The following DNAJC13 variants were observed in gnomAD, a reference collection of about 807,000 sequenced individuals.
The protein encoded by DNAJC13 is DnaJ heat shock protein family (Hsp40) member C13.
In DNAJC13, 75 loss-of-function variants were observed where a neutral mutation model predicts 290.5. The ratio of observed to expected loss-of-function variants is 0.26; its 90% confidence interval spans 0.21 to 0.31. The LOEUF (loss-of-function observed/expected upper bound fraction) is 0.31, where lower values mean the gene tolerates loss of function less well. Among genes scored for constraint, DNAJC13 ranks in the 10% least tolerant of loss-of-function variants. The pLI, the probability that DNAJC13 is intolerant of heterozygous loss-of-function variation, is 1.00. For synonymous variants in DNAJC13, 862 were observed against 892.0 expected, an observed-to-expected ratio of 0.97 and a Z score of 0.60; for missense variants, 2,260 against 2,674.5, an observed-to-expected ratio of 0.85 and a Z score of 3.42.
rs2107737660 is a variant in DNAJC13, at chr3:132,516,804, G to A, written c.5661G>A (p.Leu1887=). The change falls in exon 48 of 56, where the codon CTG becomes CTA. Residue 1887 remains leucine, a synonymous_variant. Coordinates refer to ENST00000260818, the MANE Select transcript of DNAJC13 (RefSeq NM_015268.4). ...TTGCCAAAATGACAGCAGATAAACT[G>A]ATAGGTCCAAAGGTAGGCACAAAAT... ...ELFAKMTADK[L]IGPKVRITLM... The A allele has an allele frequency of 6.2e-7, 1 of 1,612,834 alleles. No individual in the cohort carries two copies. The highest frequency in any genetic ancestry group is 1.1e-5 in the South Asian group (1 of 90,984).
chr3:132,516,598 G>A, intron 47 of DNAJC13, 102 bp downstream of exon 47: 1 of 1,527,680 alleles, frequency 6.5e-7, no homozygotes, highest in Non-Finnish European at 8.9e-7. Context: ...GCTTTGGAAT[G>A]TTTACAGTTT....
At chr3:132,432,312 C>T (rs1458307617) in intron 1 of DNAJC13, among the ~76,000 whole-genome samples, 2 of 152,050 alleles carry the variant, frequency 1.3e-5, no homozygotes, top group Non-Finnish European at 2.9e-5. Flanking sequence ...AAGAGATTCC[C>T]CTGCCTCAGC....
chr3:132,431,528 A>G (rs1458040281), intron 1 of DNAJC13, among the ~76,000 whole-genome samples: 1 of 152,170 alleles, frequency 6.6e-6, no homozygotes, highest in Non-Finnish European at 1.5e-5. Context: ...CGTTCTATGT[A>G]TAGTACAAAG....
intron 18 of DNAJC13, 63 bp from the exon 19 acceptor site, chr3:132,466,236 T>C (rs1264748345): frequency 1.3e-6 from 2 of 1,523,678 alleles, no homozygotes; most frequent in Non-Finnish European, 1.8e-6. Flanking sequence ...ATTAATTTAT[T>C]TGGGTTTTTA....
intron 38 of DNAJC13, among the ~76,000 whole-genome samples, chr3:132,500,019 T>C (rs1391694246): frequency 6.6e-6 from 1 of 152,220 alleles, no homozygotes; most frequent in Non-Finnish European, 1.5e-5. Flanking sequence ...CTGGTCTGTG[T>C]ATCACACTGT....
At chr3:132,498,680 A>G (rs1935311387) in intron 36 of DNAJC13, among the ~76,000 whole-genome samples, 1 of 152,076 alleles carries the variant, frequency 6.6e-6, no homozygotes, top group Non-Finnish European at 1.5e-5. Flanking sequence ...ATGTTAAGAT[A>G]AAATATTTTA....
chr3:132,460,793 C>T (rs1036725259), intron 14 of DNAJC13, among the ~76,000 whole-genome samples: 1 of 152,076 alleles, frequency 6.6e-6, no homozygotes, highest in East Asian at 1.9e-4. Flanking sequence ...CTTTGTTATA[C>T]ACATTTGAGA....
intron 55 of DNAJC13, among the ~76,000 whole-genome samples, chr3:132,533,654 A>G (rs1025079079): frequency 6.6e-6 from 1 of 152,158 alleles, no homozygotes. Flanking sequence ...GCACCTGGTC[A>G]GCCTTATTTT....
rs1465786642 is a variant in DNAJC13, at chr3:132,507,340, C to T, written c.5102C>T (p.Thr1701Ile). The T allele has an allele frequency of 3.8e-6, 6 of 1,591,196 alleles. No homozygotes were observed. In the African/African-American group the frequency reaches 8.1e-5, roughly 21 times the overall value. The change falls in exon 43 of 56, where the codon ACT becomes ATT. Residue 1701 changes from threonine to isoleucine, a missense_variant. Thr to Ile is a moderately conservative substitution (Grantham distance 89). Transcript: ENST00000260818. ...IFVRVYNEVPTFQLEVPKAFA... is the reference protein window; with the variant it reads ...IFVRVYNEVPIFQLEVPKAFA... Reference sequence around the variant, plus strand: ...GTTAGGGTGTATAATGAAGTTCCTACTTTCCAACTGGAGGTAAGCTCTCTG... The same window carrying T: ...GTTAGGGTGTATAATGAAGTTCCTATTTTCCAACTGGAGGTAAGCTCTCTG...
rs1177011695 is a variant in DNAJC13, at chr3:132,503,248, A to C, written c.4751A>C (p.His1584Pro). 1.2e-6 allele frequency: 2 copies of C among 1,614,088 alleles called. No homozygotes were observed. Among genetic ancestry groups the C allele is most frequent in the Non-Finnish European group, 1.7e-6 (2 of 1,179,958 alleles). ...AACAGCCTTGCCAAACTGAGTGTCC[A>C]TGCTCTGAGTCGCCTTGGAGGGTAT... ...VANSLAKLSVHALSRLGGYLA... is the reference protein window; with the variant it reads ...VANSLAKLSVPALSRLGGYLA... Residue 1584 changes from histidine (H) to proline (P), a missense_variant, in exon 41 of 56, where the codon CAT (histidine) becomes CCT (proline). Physicochemically the swap from His to Pro is moderately conservative, Grantham distance 77. Around this residue, in one of 3 missense-constraint regions of DNAJC13, gnomAD observed 1,494 missense variants for 1,693.7 expected, o/e 0.88. Coordinates refer to ENST00000260818, the MANE Select transcript of DNAJC13 (RefSeq NM_015268.4).
At chr3:132,429,000 CAGGATT>C (rs1576454474) in intron 1 of DNAJC13, among the ~76,000 whole-genome samples, 1 of 152,052 alleles carries the variant, frequency 6.6e-6, no homozygotes, top group East Asian at 1.9e-4. Flanking sequence ...CCCAAAGTGC[CAGGATT>C]ACAGGCGTGA....
At position 132,499,218 on chromosome 3, in the gene DNAJC13, C is replaced by T; in HGVS notation, c.4249C>T (p.Pro1417Ser). 6.2e-7 allele frequency: 1 copy of T among 1,614,068 alleles called. No homozygotes were observed. The highest frequency in any genetic ancestry group is 1.3e-5 in the African/African-American group (1 of 75,042). ...TGACCTCCTTTTCTCAAAAGAATCA[C>T]CATTGTTGCCTGCGGCTACAGAGCT... ...SDDLLFSKES[P>S]LLPAATELAF... The change falls in exon 37 of 56, where the codon CCA (proline) becomes TCA (serine). Residue 1417 changes from proline to serine, a missense_variant. By Grantham distance (74) the Pro-to-Ser change is moderately conservative (BLOSUM62 -1). This residue lies in a region of DNAJC13 where 1,494 missense variants were observed against 1,693.7 expected (regional missense o/e 0.88). Coordinates refer to ENST00000260818, the MANE Select transcript of DNAJC13 (RefSeq NM_015268.4).
chr3:132,444,855 C>CT (rs1274528299), intron 2 of DNAJC13, among the ~76,000 whole-genome samples: 1 of 152,020 alleles, frequency 6.6e-6, no homozygotes, highest in African/African-American at 2.4e-5. Flanking sequence ...CAAATGACTG[C>CT]TTTTTTGTTA....
At chr3:132,518,426 C>T (rs1935988653) in intron 48 of DNAJC13, among the ~76,000 whole-genome samples, 3 of 152,092 alleles carry the variant, frequency 2.0e-5, no homozygotes, top group African/African-American at 7.2e-5. Flanking sequence ...AATCTTAGCT[C>T]ACTGCAGCCT....
intron 5 of DNAJC13, 40 bp downstream of exon 5, chr3:132,447,979 A>G: frequency 7.5e-7 from 1 of 1,336,762 alleles, no homozygotes; most frequent in Non-Finnish European, 1.1e-6. Context: ...TATTTGTTCA[A>G]ATGTTGCCCT....
chr3:132,425,829 G>A (rs1939075076), intron 1 of DNAJC13, among the ~76,000 whole-genome samples: 1 of 152,056 alleles, frequency 6.6e-6, no homozygotes, highest in Admixed American at 6.6e-5. Flanking sequence ...CACAAGCCAT[G>A]TGTATATACT....
chr3:132,513,590 C>T (rs1190199806), intron 45 of DNAJC13, among the ~76,000 whole-genome samples: 1 of 152,162 alleles, frequency 6.6e-6, no homozygotes, highest in African/African-American at 2.4e-5. Flanking sequence ...GTGAGGGTTA[C>T]AGACAGACAC....
At position 132,465,879 on chromosome 3, in the gene DNAJC13, GA is replaced by G. The variant is rs1933964857; in HGVS notation, c.1893-115del. ...TAATAACTATTTTTAACATCGGAAT[GA>G]TTTTTTTACTGTAGCCGTATTTTTT... On this transcript the variant is annotated intron_variant, in intron 17 of 55. Coordinates refer to ENST00000260818, the MANE Select transcript of DNAJC13 (RefSeq NM_015268.4). 6.4e-6 allele frequency: 4 copies of G among 623,080 alleles called. No homozygotes were observed. The Admixed American group carries it at 9.0e-5, about 14-fold the overall frequency. 38.6% of individuals were successfully genotyped at this position (623,080 alleles called of 1,614,324 possible).
intron 26 of DNAJC13, among the ~76,000 whole-genome samples, 190 bp downstream of exon 26, chr3:132,480,660 C>T (rs1053448595): frequency 2.0e-5 from 3 of 152,092 alleles, no homozygotes; most frequent in Non-Finnish European, 2.9e-5. Context: ...TGGACAGTAA[C>T]GATTGAGTTT....
Sources: allele counts gnomAD v4.1 joint callset (sites outside exome capture counted in the v4.1 genomes callset), GRCh38; gene constraint gnomAD v4.1.1; regional missense constraint gnomAD v4.1.1; transcripts MANE v1.5; gene names NCBI Gene and HGNC (gene_info 2026-07-23, HGNC 2026-07-21).